Variants in PSD3 observed in about 807,000 individuals in gnomAD.
PSD3 encodes the protein PH and SEC7 domain-containing protein 3.
A neutral mutation model predicts 105.5 loss-of-function variants in PSD3; 49 were observed. That is an observed-to-expected ratio of 0.46 (90% CI 0.37 to 0.59). The LOEUF (loss-of-function observed/expected upper bound fraction) is 0.59. Among genes scored for constraint, PSD3 ranks in the 20% least tolerant of loss-of-function variants. The pLI is 0.00. For missense variants in PSD3, 1,561 were observed against 1,263.8 expected, an observed-to-expected ratio of 1.24 and a Z score of -3.57; for synonymous variants, 557 against 457.8, an observed-to-expected ratio of 1.22 and a Z score of -2.77.
At chr8:18,618,448 CTTTT>C (rs571407484) in intron 11 of PSD3, among the ~76,000 whole-genome samples, 5 of 150,890 alleles carry the variant, frequency 3.3e-5, no homozygotes, top group African/African-American at 1.2e-4. Flanking sequence ...CAGACTTTGG[CTTTT>C]TTTTGTCAAC....
intron 1 of PSD3, among the ~76,000 whole-genome samples, chr8:18,964,920 T>C (rs1184051013): frequency 1.3e-5 from 2 of 152,214 alleles, no homozygotes; most frequent in African/African-American, 4.8e-5. Flanking sequence ...AAAATGTTAT[T>C]TGTTTAAATC....
intron 15 of PSD3, among the ~76,000 whole-genome samples, chr8:18,549,528 T>G (rs1800643979): frequency 6.6e-6 from 1 of 152,176 alleles, no homozygotes; most frequent in African/African-American, 2.4e-5. Flanking sequence ...GATTTTATAA[T>G]CTAATGGTGT....
intron 1 of PSD3, among the ~76,000 whole-genome samples, chr8:18,967,597 T>G (rs563935830): frequency 6.6e-6 from 1 of 152,352 alleles, no homozygotes; most frequent in East Asian, 1.9e-4. Context: ...CTTTATGAGC[T>G]GGTCCACAAA....
At chr8:18,608,209 G>C (rs28469595) in intron 11 of PSD3, among the ~76,000 whole-genome samples, 1,614 of 152,224 alleles carry the variant, frequency 0.011, 29 homozygotes, top group African/African-American at 0.037. Flanking sequence ...GACAAAGTGA[G>C]ATCCTGTCTC....
At chr8:18,997,488 C>T (rs566192393) in intron 1 of PSD3, among the ~76,000 whole-genome samples, 1 of 151,988 alleles carries the variant, frequency 6.6e-6, no homozygotes, top group Non-Finnish European at 1.5e-5. Flanking sequence ...CTCTTCCCCG[C>T]TTCAGTCTAT....
intron 9 of PSD3, among the ~76,000 whole-genome samples, chr8:18,684,648 C>A (rs746842995): frequency 6.6e-6 from 1 of 152,140 alleles, no homozygotes; most frequent in Admixed American, 6.5e-5. Context: ...CCTTAGACTA[C>A]GACAGCCAGA....
chr8:18,738,470 T>G (rs540557323), intron 9 of PSD3, among the ~76,000 whole-genome samples: 1 of 152,342 alleles, frequency 6.6e-6, no homozygotes, highest in East Asian at 1.9e-4. Context: ...GTTTATACTG[T>G]GAATAGTTGC....
rs751745616 is a variant in PSD3, at chr8:18,936,040, C to T, written c.124G>A (p.Asp42Asn). The T allele has an allele frequency of 6.2e-7, 1 of 1,604,224 alleles. No individual in the cohort carries two copies. The highest frequency in any genetic ancestry group is 8.5e-7 in the Non-Finnish European group (1 of 1,171,644). Reference protein sequence around the residue: ...LFGRSEGKAPDTSDHGGSTLL... With the variant: ...LFGRSEGKAPNTSDHGGSTLL... ...GATATGAGGAAATACTTACTAGTATCTGGAGCTTTCCCTTCAGATCTGCCA... is the reference window on the plus strand; with the variant it reads ...GATATGAGGAAATACTTACTAGTATTTGGAGCTTTCCCTTCAGATCTGCCA... The change falls in exon 2 of 16, where the codon GAT (aspartate) becomes AAT (asparagine). Residue 42 changes from aspartate to asparagine, a missense_variant. Asp to Asn is a conservative substitution (Grantham distance 23). Transcript: ENST00000327040.
chr8:19,006,932 G>A (rs1481116057), intron 1 of PSD3, among the ~76,000 whole-genome samples: 1 of 152,004 alleles, frequency 6.6e-6, no homozygotes, highest in African/African-American at 2.4e-5. Context: ...CTAGAAATTA[G>A]GGAACCACCT....
At chr8:18,657,824 A>G (rs1231284658) in intron 9 of PSD3, among the ~76,000 whole-genome samples, 1 of 152,264 alleles carries the variant, frequency 6.6e-6, no homozygotes, top group East Asian at 1.9e-4. Context: ...TGCTACTATC[A>G]TACTCAATAT....
At chr8:18,748,158 G>C (rs371651364) in intron 9 of PSD3, among the ~76,000 whole-genome samples, 6 of 150,838 alleles carry the variant, frequency 4.0e-5, no homozygotes, top group African/African-American at 1.5e-4. Flanking sequence ...TGTTATTTTA[G>C]CCCTTATGTA....
intron 1 of PSD3, among the ~76,000 whole-genome samples, chr8:19,078,858 G>A (rs1434479398): frequency 6.6e-6 from 1 of 151,586 alleles, no homozygotes; most frequent in Non-Finnish European, 1.5e-5. Flanking sequence ...TGGGCAGAAA[G>A]AGAAAGAGGG....
At chr8:18,812,360 T>C (rs1023498661) in intron 4 of PSD3, among the ~76,000 whole-genome samples, 1 of 152,230 alleles carries the variant, frequency 6.6e-6, no homozygotes, top group Non-Finnish European at 1.5e-5. Flanking sequence ...CTATGGAGAC[T>C]GGTTTTTACT....
At chr8:18,688,568 G>A (rs975247542) in intron 9 of PSD3, among the ~76,000 whole-genome samples, 5 of 152,186 alleles carry the variant, frequency 3.3e-5, no homozygotes, top group Admixed American at 3.3e-4. Flanking sequence ...CTACAATAAT[G>A]ATGCAGTGAA....
chr8:18,823,003 T>A (rs1812870454), intron 4 of PSD3, among the ~76,000 whole-genome samples: 1 of 152,054 alleles, frequency 6.6e-6, no homozygotes, highest in South Asian at 2.1e-4. Flanking sequence ...AGTTTCAATT[T>A]AAGCTCCATT....
intron 12 of PSD3, among the ~76,000 whole-genome samples, chr8:18,584,415 T>C (rs1299198742): frequency 6.6e-6 from 1 of 152,226 alleles, no homozygotes; most frequent in Non-Finnish European, 1.5e-5. Context: ...TCATATTTAC[T>C]TAAGAAGACA....
Position 18,594,194 on chromosome 8 carries a change from A to ATATTATATAATATATATTAT in PSD3, c.2481+6169_2481+6170insATAATATATATTATATAATA, listed in dbSNP as rs1491494491. Among the ~76,000 whole-genome samples the ATATTATATAATATATATTAT allele has an allele frequency of 9.1e-3, 131 of 14,370 alleles. 3 individuals are homozygous for ATATTATATAATATATATTAT. The highest frequency in any genetic ancestry group is 0.015 in the East Asian group (6 of 406). 9.4% of individuals were successfully genotyped at this position (14,370 alleles called of 152,430 possible). ...TATTATATAATATATATTATTATAT[A>ATATTATATAATATATATTAT]CATATTATATAATATATATTATTAT... On this transcript the variant is annotated intron_variant, in intron 12 of 15. Coordinates refer to ENST00000327040, the MANE Select transcript of PSD3 (RefSeq NM_015310.4).
At chr8:19,027,898 C>T (rs190548963) in intron 1 of PSD3, among the ~76,000 whole-genome samples, 13 of 152,254 alleles carry the variant, frequency 8.5e-5, no homozygotes, top group Admixed American at 8.5e-4. Context: ...ATGCTATGAA[C>T]ATCTATGTTT....
chr8:18,992,540 T>C (rs1825861056), intron 1 of PSD3, among the ~76,000 whole-genome samples: 1 of 152,166 alleles, frequency 6.6e-6, no homozygotes, highest in Non-Finnish European at 1.5e-5. Flanking sequence ...TAAAAGAAGT[T>C]GACGAACTGA....
Sources: allele counts gnomAD v4.1 joint callset (sites outside exome capture counted in the v4.1 genomes callset), GRCh38; gene constraint gnomAD v4.1.1; transcripts MANE v1.5; gene names NCBI Gene and HGNC (gene_info 2026-07-23, HGNC 2026-07-21).